Variants in PDE10A observed in about 807,000 individuals in gnomAD.
PDE10A encodes the protein phosphodiesterase 10A, also known as cAMP and cAMP-inhibited cGMP 3',5'-cyclic phosphodiesterase 10A.
In PDE10A, 39 loss-of-function variants were observed where a neutral mutation model predicts 97.7. That is an observed-to-expected ratio of 0.40 (90% confidence interval 0.31 to 0.52). The LOEUF (loss-of-function observed/expected upper bound fraction) is 0.52. Among genes scored for constraint, PDE10A ranks in the 20% least tolerant of loss-of-function variants. PDE10A has a pLI of 0.56. For synonymous variants in PDE10A, 371 were observed against 376.8 expected, an observed-to-expected ratio of 0.98 and a Z score of 0.18; for missense variants, 731 against 1,047.8, an observed-to-expected ratio of 0.70 and a Z score of 4.17.
chr6:165,761,741 TTTAA>T (rs1384095328), intron 1 of PDE10A, among the ~76,000 whole-genome samples: 3 of 152,036 alleles, frequency 2.0e-5, no homozygotes, highest in Non-Finnish European at 4.4e-5. Flanking sequence ...TTATATATGC[TTTAA>T]TTAATATTAT....
intron 1 of PDE10A, among the ~76,000 whole-genome samples, chr6:165,789,353 C>T (rs1449566324): frequency 6.6e-6 from 1 of 152,182 alleles, no homozygotes. Flanking sequence ...CCAAACTTAG[C>T]AACTATTTTA....
chr6:165,467,432 G>T (rs80343020), intron 3 of PDE10A, among the ~76,000 whole-genome samples: 1 of 152,198 alleles, frequency 6.6e-6, no homozygotes, highest in Admixed American at 6.5e-5. Context: ...TCCCTTATTA[G>T]TGACAAATGC....
chr6:165,474,787 G>A (rs759576550), intron 3 of PDE10A, among the ~76,000 whole-genome samples: 1 of 152,056 alleles, frequency 6.6e-6, no homozygotes, highest in Non-Finnish European at 1.5e-5. Context: ...AATTTTTAAT[G>A]ACATTACTAT....
chr6:165,422,885 T>C (rs1457774311), intron 10 of PDE10A, among the ~76,000 whole-genome samples: 2 of 151,978 alleles, frequency 1.3e-5, no homozygotes, highest in South Asian at 2.1e-4. Flanking sequence ...ACATGAAATA[T>C]ATAAAAATAT....
At chr6:165,617,030 A>G (rs1787756802) in intron 1 of PDE10A, among the ~76,000 whole-genome samples, 1 of 152,246 alleles carries the variant, frequency 6.6e-6, no homozygotes, top group Admixed American at 6.5e-5. Flanking sequence ...ACATCTTAAT[A>G]CTAGAGATAT....
chr6:165,409,339 G>A (rs1248784807), intron 13 of PDE10A, among the ~76,000 whole-genome samples: 2 of 152,112 alleles, frequency 1.3e-5, no homozygotes, highest in African/African-American at 2.4e-5. Context: ...CTGACCTCAG[G>A]AGTTCGAGAA....
At chr6:165,403,427 A>G (rs961149207) in intron 13 of PDE10A, among the ~76,000 whole-genome samples, 19 of 152,200 alleles carry the variant, frequency 1.2e-4, no homozygotes, top group Admixed American at 5.9e-4. Context: ...AGGGAAACAC[A>G]CAAATCAGGA....
At chr6:165,487,080 T>C (rs952834057) in intron 2 of PDE10A, among the ~76,000 whole-genome samples, 11 of 152,190 alleles carry the variant, frequency 7.2e-5, no homozygotes, top group African/African-American at 2.7e-4. Flanking sequence ...ATAAGCCCGG[T>C]AAACTGACTC....
intron 13 of PDE10A, among the ~76,000 whole-genome samples, chr6:165,404,003 G>A (rs1160662774): frequency 2.0e-5 from 3 of 152,138 alleles, no homozygotes; most frequent in Non-Finnish European, 2.9e-5. Context: ...TCTATTGTTT[G>A]ATAGTACACT....
At chr6:165,806,334 G>A (rs74849735) in intron 1 of PDE10A, among the ~76,000 whole-genome samples, 2,450 of 152,238 alleles carry the variant, frequency 0.016, 69 homozygotes, top group African/African-American at 0.053. Flanking sequence ...CCAAGGCTCC[G>A]CGTTCTCCAT....
intron 1 of PDE10A, among the ~76,000 whole-genome samples, chr6:165,872,132 A>C (rs554949922): frequency 2.2e-4 from 33 of 152,292 alleles, no homozygotes; most frequent in African/African-American, 6.5e-4. Context: ...GCCTTTATGA[A>C]ACAACTTAGT....
chr6:165,619,129 C>CTAGTG (rs758180073), intron 1 of PDE10A, among the ~76,000 whole-genome samples: 2 of 94,318 alleles, frequency 2.1e-5, no homozygotes, highest in Admixed American at 1.0e-4. Flanking sequence ...CTAGCATAGT[C>CTAGTG]TAGTGTAGTG....
chr6:165,542,014 T>C (rs1183982278), intron 2 of PDE10A, among the ~76,000 whole-genome samples: 2 of 152,202 alleles, frequency 1.3e-5, no homozygotes, highest in East Asian at 3.8e-4. Flanking sequence ...AACATTTTAA[T>C]AACAATTATA....
intron 18 of PDE10A, among the ~76,000 whole-genome samples, chr6:165,355,058 T>A (rs1318696184): frequency 6.6e-6 from 1 of 152,226 alleles, no homozygotes; most frequent in Non-Finnish European, 1.5e-5. Flanking sequence ...CACAGTGAGA[T>A]AAGATCTCAC....
intron 1 of PDE10A, among the ~76,000 whole-genome samples, chr6:165,554,771 T>A (rs148189679): frequency 1.9e-3 from 284 of 152,194 alleles, no homozygotes; most frequent in African/African-American, 6.4e-3. Flanking sequence ...AACCTAAGTA[T>A]CCATCAACAG....
intron 1 of PDE10A, among the ~76,000 whole-genome samples, chr6:165,927,949 C>T (rs184422061): frequency 8.0e-5 from 12 of 150,774 alleles, no homozygotes; most frequent in African/African-American, 2.9e-4. Flanking sequence ...TGCGCACCCT[C>T]GCCTCCCAAA....
chr6:165,517,371 A>G (rs1781872863), intron 2 of PDE10A, among the ~76,000 whole-genome samples: 1 of 152,190 alleles, frequency 6.6e-6, no homozygotes, highest in Admixed American at 6.6e-5. Flanking sequence ...ACAAAAACAT[A>G]AGACAAGATA....
chr6:165,647,697 A>G (rs1272489142), intron 1 of PDE10A, among the ~76,000 whole-genome samples: 6 of 152,228 alleles, frequency 3.9e-5, no homozygotes, highest in Admixed American at 3.9e-4. Context: ...CACCTTTCCC[A>G]GCCAAATGGA....
At chr6:165,431,397 C>T in intron 8 of PDE10A, 25 bp downstream of exon 8, 1 of 1,566,356 alleles carries the variant, frequency 6.4e-7, no homozygotes, top group East Asian at 2.3e-5. Context: ...TAGGAAGCCC[C>T]TGCAAAAACA....
Sources: allele counts gnomAD v4.1 joint callset (sites outside exome capture counted in the v4.1 genomes callset), GRCh38; gene constraint gnomAD v4.1.1; transcripts MANE v1.5; gene names NCBI Gene and HGNC (gene_info 2026-07-23, HGNC 2026-07-21).